Variants in TM7SF2 observed in about 807,000 individuals in gnomAD.
TM7SF2 encodes delta(14)-sterol reductase TM7SF2.
TM7SF2 carries 51 observed loss-of-function variants against 51.0 expected under a neutral mutation model. That is an observed-to-expected ratio of 1.00 (90% CI 0.80 to 1.26). The LOEUF is 1.26. Among genes scored for constraint, TM7SF2 ranks in the 50% most tolerant of loss-of-function variants. The probability of loss-of-function intolerance (pLI) is 0.00; values close to 1 mark genes in which losing one functional copy is unlikely to be tolerated. For missense variants in TM7SF2, 541 were observed against 547.4 expected (o/e 0.99, Z 0.12); for synonymous variants, 255 against 241.0 (o/e 1.06, Z -0.54).
intron 9 of TM7SF2, 87 bp downstream of exon 9, chr11:65,115,685 C>T (rs1947971336): frequency 1.2e-6 from 2 of 1,607,300 alleles, no homozygotes; most frequent in Non-Finnish European, 1.7e-6. Flanking sequence ...GGGTATGCAC[C>T]AGTGAGAGTA....
intron 3 of TM7SF2, 101 bp from the exon 4 acceptor site, chr11:65,113,119 G>A: frequency 7.7e-7 from 1 of 1,305,642 alleles, no homozygotes; most frequent in Non-Finnish European, 1.0e-6. Flanking sequence ...AATGCTTGGG[G>A]CAGGGTCTGT....
At chr11:65,113,727 C>T in intron 5 of TM7SF2, 133 bp downstream of exon 5, 1 of 803,790 alleles carries the variant, frequency 1.2e-6, no homozygotes, top group Non-Finnish European at 2.0e-6. Context: ...AACATTTGTT[C>T]AATCCACCTG....
chr11:65,114,721 C>A lies in TM7SF2; in HGVS notation c.612C>A (p.Ile204=). The A allele has an allele frequency of 6.2e-7, 1 of 1,614,126 alleles. No homozygotes were observed. The highest frequency in any genetic ancestry group is 8.5e-7 in the Non-Finnish European group (1 of 1,179,984). ...LRPGLIGWVL[I]NLALLMKEAE... ...TTGTTCCCTCTCCCCAGGTCCTCAT[C>A]AACCTGGCCCTGTTGATGAAGGAGG... Residue 204 remains isoleucine, a synonymous_variant, in exon 6 of 10, where the codon ATC becomes ATA. Coordinates refer to ENST00000279263, the MANE Select transcript of TM7SF2 (RefSeq NM_003273.6).
rs1439389457 is a variant in TM7SF2, at chr11:65,115,921, C to T, written c.1125C>T (p.Tyr375=). Residue 375 remains tyrosine, a synonymous_variant, in exon 10 of 10, where the codon TAC becomes TAT. Coordinates refer to ENST00000279263, the MANE Select transcript of TM7SF2 (RefSeq NM_003273.6). ...CGVSHLLPYF[Y]LLYFTALLVH... is the part of the protein sequence containing the mutation. ...TGTCACACCTGCTGCCCTACTTCTA[C>T]CTCCTCTACTTCACCGCGCTGCTGG... The T allele has an allele frequency of 6.2e-7, 1 of 1,614,110 alleles. No individual in the cohort carries two copies. Among genetic ancestry groups the T allele is most frequent in the Admixed American group, 1.7e-5 (1 of 60,024 alleles).
chr11:65,112,043 C>T lies in TM7SF2; in HGVS notation c.28C>T (p.Pro10Ser), dbSNP rs774697135. Residue 10 changes from proline to serine, a missense_variant, in exon 1 of 10, where the codon CCG (proline) becomes TCG (serine). Pro to Ser is a moderately conservative substitution (Grantham distance 74, BLOSUM62 -1). Coordinates refer to ENST00000279263, the MANE Select transcript of TM7SF2 (RefSeq NM_003273.6). MAPTQGPRA[P>S]LEFGGPLGAA... Reference sequence around the variant, plus strand: ...GGCCCCCACTCAGGGCCCCCGGGCCCCGCTGGAATTCGGAGGGCCCCTGGG... The same window carrying T: ...GGCCCCCACTCAGGGCCCCCGGGCCTCGCTGGAATTCGGAGGGCCCCTGGG... 23 of 1,595,334 alleles carry T rather than the reference C, an allele frequency of 1.4e-5. No individual in the cohort carries two copies. The East Asian group carries it at 4.7e-4, about 33-fold the overall frequency.
In TM7SF2 at chr11:65,114,731, C is replaced by T. The variant is rs1467739431; in HGVS notation, c.622C>T (p.Leu208=). The T allele has an allele frequency of 1.9e-6, 3 of 1,614,212 alleles. No individual in the cohort carries two copies. Among genetic ancestry groups the T allele is most frequent in the Middle Eastern group, 1.6e-4 (1 of 6,062 alleles). The part of the protein sequence containing the change: ...LIGWVLINLA[L]LMKEAELRGS... Reference sequence around the variant, plus strand: ...TCCCCAGGTCCTCATCAACCTGGCCCTGTTGATGAAGGAGGCAGAGCTTCG... The same window carrying T: ...TCCCCAGGTCCTCATCAACCTGGCCTTGTTGATGAAGGAGGCAGAGCTTCG... Residue 208 remains leucine (L), a synonymous_variant, in exon 6 of 10, where the codon CTG becomes TTG. Coordinates refer to ENST00000279263, the MANE Select transcript of TM7SF2 (RefSeq NM_003273.6).
intron 5 of TM7SF2, 109 bp downstream of exon 5, chr11:65,113,703 A>G: frequency 2.2e-6 from 2 of 919,292 alleles, no homozygotes; most frequent in Non-Finnish European, 3.5e-6. Flanking sequence ...GTCATTAACC[A>G]TTCATATTCC....
At chr11:65,115,859 C>T (rs1429091907) in intron 9 of TM7SF2, 34 bp from the exon 10 acceptor site, 1 of 1,613,816 alleles carries the variant, frequency 6.2e-7, no homozygotes, top group Non-Finnish European at 8.5e-7. Context: ...GTGGAGGGGC[C>T]GGCAGGGTGG....
Position 65,116,178 on chromosome 11 carries a change from C to G in TM7SF2, c.*125C>G. On this transcript the variant is annotated 3_prime_UTR_variant, in exon 10 of 10. Coordinates refer to ENST00000279263, the MANE Select transcript of TM7SF2 (RefSeq NM_003273.6). ...CCACCCAGCCCTGAGGATGAACAAC[C>G]TCAGAGAAGAGGTGGTTTAGAGCAA... is the stretch of plus-strand genomic sequence containing the variant. 1 of 1,319,836 alleles carries G rather than the reference C, an allele frequency of 7.6e-7. No individual in the cohort carries two copies. 81.8% of individuals were successfully genotyped at this position (1,319,836 alleles called of 1,614,324 possible).
intron 8 of TM7SF2, 39 bp downstream of exon 8, chr11:65,115,433 G>A: frequency 1.2e-6 from 2 of 1,614,204 alleles, no homozygotes; most frequent in Non-Finnish European, 1.7e-6. Flanking sequence ...AGGTGGGGCA[G>A]CTGGGCTTCC....
In TM7SF2 at chr11:65,114,695, C is replaced by G; in HGVS notation, c.604-18C>G. The G allele has an allele frequency of 1.9e-6, 3 of 1,612,556 alleles. No individual in the cohort carries two copies. The highest frequency in any genetic ancestry group is 2.5e-6 in the Non-Finnish European group (3 of 1,179,210). On this transcript the variant is annotated intron_variant, in intron 5 of 9. Transcript: ENST00000279263. The stretch of plus-strand genomic sequence containing the variant: ...CTGCCACTTCTGTGGAGACTATTGC[C>G]TTGTTCCCTCTCCCCAGGTCCTCAT...
At chr11:65,115,864 G>A in intron 9 of TM7SF2, 29 bp from the exon 10 acceptor site, 1 of 1,613,944 alleles carries the variant, frequency 6.2e-7, no homozygotes, top group Non-Finnish European at 8.5e-7. Context: ...GGGGCCGGCA[G>A]GGTGGTCACA....
intron 5 of TM7SF2, chr11:65,113,806 T>G (rs1293801314): frequency 1.7e-6 from 1 of 595,676 alleles, no homozygotes; most frequent in East Asian, 2.8e-5. Flanking sequence ...AGAGCCTACA[T>G]TCTGGTGGGA....
In TM7SF2 at chr11:65,113,245, C is replaced by T; in HGVS notation, c.330C>T (p.Ala110=). 3.7e-6 allele frequency: 6 copies of T among 1,604,468 alleles called. No homozygotes were observed. The highest frequency in any genetic ancestry group is 5.1e-6 in the Non-Finnish European group (6 of 1,179,712). The change falls in exon 4 of 10, where the codon GCC becomes GCT. Residue 110 remains alanine (A), a synonymous_variant. Coordinates refer to ENST00000279263, the MANE Select transcript of TM7SF2 (RefSeq NM_003273.6). ...GCTTCCAGGCCCTGGTGCTGACAGC[C>T]CTGTTGGTGGGGCTGGGGATGTCAG... ...INGFQALVLT[A]LLVGLGMSAG...
In TM7SF2 at chr11:65,115,499, A is replaced by G. The variant is rs368243602; in HGVS notation, c.997A>G (p.Thr333Ala). The G allele has an allele frequency of 2.6e-5, 42 of 1,613,914 alleles. 1 individual carries two copies. In the Middle Eastern group the frequency reaches 6.6e-4, roughly 25 times the overall value. Reference protein sequence around the residue: ...VAGLETISTATGRKLLVSGWW... With the variant: ...VAGLETISTAAGRKLLVSGWW... ...AGGGCTTGAGACCATCTCTACAGCCACAGGGCGGAAACTGCTGGTGTCTGG... is the reference window on the plus strand; with the variant it reads ...AGGGCTTGAGACCATCTCTACAGCCGCAGGGCGGAAACTGCTGGTGTCTGG... The change falls in exon 9 of 10, where the codon ACA (threonine) becomes GCA (alanine). Residue 333 changes from threonine to alanine, a missense_variant. Thr to Ala is a moderately conservative substitution (Grantham distance 58). Coordinates refer to ENST00000279263, the MANE Select transcript of TM7SF2 (RefSeq NM_003273.6).
In TM7SF2 at chr11:65,112,023, C is replaced by T. The variant is rs1198423120; in HGVS notation, c.8C>T (p.Pro3Leu). 1 of 1,589,022 alleles carries T rather than the reference C, an allele frequency of 6.3e-7. No individual in the cohort carries two copies. The highest frequency in any genetic ancestry group is 1.1e-5 in the South Asian group (1 of 87,084). MA[P>L]TQGPRAPLEF... is the part of the protein sequence containing the mutation. The stretch of plus-strand genomic sequence containing the variant: ...TCCGGCGGAGCGGAGACCATGGCCC[C>T]CACTCAGGGCCCCCGGGCCCCGCTG... The change falls in exon 1 of 10, where the codon CCC becomes CTC. Residue 3 changes from proline (P) to leucine (L), a missense_variant. Pro to Leu is a moderately conservative substitution (Grantham distance 98). Coordinates refer to ENST00000279263, the MANE Select transcript of TM7SF2 (RefSeq NM_003273.6).
intron 7 of TM7SF2, 111 bp from the exon 8 acceptor site, chr11:65,115,203 T>G: frequency 6.3e-7 from 1 of 1,585,850 alleles, no homozygotes; most frequent in Non-Finnish European, 8.6e-7. Context: ...CAGGGCAGGG[T>G]CCTGGGGGTC....
In TM7SF2 at chr11:65,114,695, C is replaced by A; in HGVS notation, c.604-18C>A. ...CTGCCACTTCTGTGGAGACTATTGC[C>A]TTGTTCCCTCTCCCCAGGTCCTCAT... is the stretch of plus-strand genomic sequence containing the variant. On this transcript the variant is annotated intron_variant, in intron 5 of 9. Transcript: ENST00000279263. 6.2e-7 allele frequency: 1 copy of A among 1,612,556 alleles called. No individual in the cohort carries two copies. The highest frequency in any genetic ancestry group is 1.1e-5 in the South Asian group (1 of 90,712).
chr11:65,116,017 G>A lies in TM7SF2; in HGVS notation c.1221G>A (p.Arg407=). 1 of 1,611,400 alleles carries A rather than the reference G, an allele frequency of 6.2e-7. No homozygotes were observed. Among genetic ancestry groups the A allele is most frequent in the South Asian group, 1.1e-5 (1 of 91,044 alleles). Residue 407 remains arginine, a synonymous_variant, in exon 10 of 10, where the codon CGG becomes CGA. Coordinates refer to ENST00000279263, the MANE Select transcript of TM7SF2 (RefSeq NM_003273.6). ...KYGLAWQEYC[R]RVPYRIMPYI... ...GCCTGGCCTGGCAGGAGTACTGCCG[G>A]CGTGTGCCTTACCGCATCATGCCCT... is the stretch of plus-strand genomic sequence containing the variant.
Sources: gnomAD v4.1 joint callset for allele counts on GRCh38, gnomAD v4.1.1 for gene constraint, MANE v1.5 for transcripts, NCBI Gene and HGNC (gene_info 2026-07-23, HGNC 2026-07-21) for gene names.